Variants in CNTNAP2 observed in about 807,000 individuals in gnomAD.
CNTNAP2 encodes the protein contactin-associated protein-like 2.
Under a neutral mutation model 155.2 loss-of-function variants are expected in CNTNAP2, and 98 were observed. That is an observed-to-expected ratio of 0.63 (90% confidence interval 0.54 to 0.75). The LOEUF is 0.75. Ranked by LOEUF, CNTNAP2 falls within the 30% of genes least tolerant of loss-of-function variation. The pLI is 0.00. For synonymous variants in CNTNAP2, 651 were observed against 631.2 expected, an observed-to-expected ratio of 1.03 and a Z score of -0.47; for missense variants, 1,727 against 1,688.1, an observed-to-expected ratio of 1.02 and a Z score of -0.40.
At chr7:147,192,845 G>C (rs1253258841) in intron 8 of CNTNAP2, among the ~76,000 whole-genome samples, 1 of 152,208 alleles carries the variant, frequency 6.6e-6, no homozygotes, top group East Asian at 1.9e-4. Context: ...TGGAAATACA[G>C]TTGTGACTAG....
At chr7:147,944,125 A>T (rs1800778447) in intron 14 of CNTNAP2, among the ~76,000 whole-genome samples, 1 of 152,220 alleles carries the variant, frequency 6.6e-6, no homozygotes, top group Non-Finnish European at 1.5e-5. Flanking sequence ...CTAGATGCTA[A>T]TCGATCTTCT....
chr7:146,207,583 C>A (rs2116878182), intron 1 of CNTNAP2, among the ~76,000 whole-genome samples: 1 of 147,466 alleles, frequency 6.8e-6, no homozygotes, highest in Non-Finnish European at 1.5e-5. Flanking sequence ...ATGTGTTAGA[C>A]AACAGAAATT....
intron 13 of CNTNAP2, among the ~76,000 whole-genome samples, chr7:147,656,828 C>T (rs985185223): frequency 2.6e-5 from 4 of 152,096 alleles, no homozygotes; most frequent in Non-Finnish European, 5.9e-5. Context: ...TGCCACAAGC[C>T]TTCAATTTAT....
intron 1 of CNTNAP2, among the ~76,000 whole-genome samples, chr7:146,256,535 AT>A (rs1296058026): frequency 2.6e-5 from 4 of 152,118 alleles, no homozygotes; most frequent in South Asian, 2.1e-4. Context: ...TATAACGAAT[AT>A]TAATTATACA....
chr7:147,096,164 A>G (rs780872132), intron 4 of CNTNAP2, among the ~76,000 whole-genome samples: 3 of 152,210 alleles, frequency 2.0e-5, no homozygotes, highest in Non-Finnish European at 4.4e-5. Flanking sequence ...TTTCAGATTT[A>G]CTATGATCCA....
chr7:147,964,262 T>G (rs1189005562), intron 14 of CNTNAP2, among the ~76,000 whole-genome samples: 1 of 152,062 alleles, frequency 6.6e-6, no homozygotes, highest in East Asian at 1.9e-4. Flanking sequence ...CTTCAAGCTT[T>G]CAAAACTACC....
chr7:147,364,306 A>G (rs1048372097), intron 9 of CNTNAP2, among the ~76,000 whole-genome samples: 6 of 152,210 alleles, frequency 3.9e-5, no homozygotes, highest in Admixed American at 2.6e-4. Flanking sequence ...ATTTCCATGT[A>G]CACACTGAAC....
chr7:146,812,445 A>ATATAT lies in CNTNAP2; in HGVS notation c.209-27266_209-27265insTATAT, dbSNP rs1386547927. The stretch of plus-strand genomic sequence containing the variant: ...CTTTTATATGTATATATATATAAAA[A>ATATAT]ATATATATATATATATATTTATACT... On this transcript the variant is annotated intron_variant, in intron 2 of 23. Coordinates refer to ENST00000361727, the MANE Select transcript of CNTNAP2 (RefSeq NM_014141.6). Among the ~76,000 whole-genome samples, 184 of 144,552 alleles carry ATATAT rather than the reference A, an allele frequency of 1.3e-3. 2 individuals are homozygous for ATATAT. Among genetic ancestry groups the ATATAT allele is most frequent in the African/African-American group, 2.8e-3 (111 of 39,046 alleles). 94.8% of individuals were successfully genotyped at this position (144,552 alleles called of 152,430 possible).
intron 1 of CNTNAP2, among the ~76,000 whole-genome samples, chr7:146,168,173 T>C (rs1008144882): frequency 2.0e-5 from 3 of 152,154 alleles, no homozygotes; most frequent in African/African-American, 7.2e-5. Flanking sequence ...GACTTAAATC[T>C]TAATCTCCTT....
intron 2 of CNTNAP2, among the ~76,000 whole-genome samples, chr7:146,807,467 G>T (rs574728101): frequency 6.6e-6 from 1 of 152,204 alleles, no homozygotes; most frequent in East Asian, 1.9e-4. Flanking sequence ...GGGGTGATGA[G>T]AGCACCTGGA....
intron 19 of CNTNAP2, among the ~76,000 whole-genome samples, chr7:148,227,387 A>G (rs1203938793): frequency 1.3e-5 from 2 of 152,202 alleles, no homozygotes; most frequent in Non-Finnish European, 2.9e-5. Flanking sequence ...AGCAAAGAAA[A>G]GCAAAGGATA....
intron 1 of CNTNAP2, among the ~76,000 whole-genome samples, chr7:146,394,564 T>G (rs1451099447): frequency 2.0e-5 from 3 of 152,092 alleles, no homozygotes; most frequent in Non-Finnish European, 1.5e-5. Context: ...TCATGACAGG[T>G]TAAGTGAACA....
At chr7:148,237,164 A>T (rs1294648593) in intron 20 of CNTNAP2, among the ~76,000 whole-genome samples, 1 of 152,268 alleles carries the variant, frequency 6.6e-6, no homozygotes, top group Non-Finnish European at 1.5e-5. Flanking sequence ...CCCTGCCTTA[A>T]GATACCAATG....
At chr7:146,153,552 A>G in intron 1 of CNTNAP2, among the ~76,000 whole-genome samples, 1 of 152,184 alleles carries the variant, frequency 6.6e-6, no homozygotes, top group East Asian at 1.9e-4. Context: ...TAGCAGCCCC[A>G]AACATCTGAG....
At chr7:147,578,937 T>A (rs1471279577) in intron 12 of CNTNAP2, among the ~76,000 whole-genome samples, 1 of 152,112 alleles carries the variant, frequency 6.6e-6, no homozygotes, top group Admixed American at 6.6e-5. Context: ...CTCATCAATA[T>A]TATTTTAAAA....
At chr7:146,487,222 A>G (rs1412228155) in intron 1 of CNTNAP2, among the ~76,000 whole-genome samples, 1 of 152,222 alleles carries the variant, frequency 6.6e-6, no homozygotes, top group Admixed American at 6.5e-5. Flanking sequence ...AAGTTGTTTC[A>G]GTGCCAAACA....
chr7:146,711,160 A>G lies in CNTNAP2; in HGVS notation c.98-63111A>G, dbSNP rs1393318515. 5.3e-5 allele frequency among the ~76,000 whole-genome samples: 8 copies of G among 150,876 alleles called. No homozygotes were observed. The East Asian group carries it at 1.6e-3, about 30-fold the overall frequency. ...TATATGTGTGTATATACAGGAGAAA[A>G]TGCTTGCAAGGCAGAATTTGCACAC... is the stretch of plus-strand genomic sequence containing the variant. On this transcript the variant is annotated intron_variant, in intron 1 of 23. Transcript: ENST00000361727.
At chr7:146,712,391 A>AGTAGACATATCTTATGTATACTATATAG (rs1293782028) in intron 1 of CNTNAP2, among the ~76,000 whole-genome samples, 1 of 132,168 alleles carries the variant, frequency 7.6e-6, no homozygotes, top group Admixed American at 7.7e-5. Flanking sequence ...TATACTATAT[A>AGTAGACATATCTTATGTATACTATATAG]TATAAATAAA....
chr7:147,072,877 G>T (rs1799923607), intron 4 of CNTNAP2, among the ~76,000 whole-genome samples: 1 of 114,446 alleles, frequency 8.7e-6, no homozygotes. Flanking sequence ...TTTTGAGATG[G>T]AGTCTTGCTC....
Sources: gnomAD v4.1 joint callset for allele counts (sites outside exome capture counted in the v4.1 genomes callset) on GRCh38, gnomAD v4.1.1 for gene constraint, MANE v1.5 for transcripts, NCBI Gene and HGNC (gene_info 2026-07-23, HGNC 2026-07-21) for gene names.